Variants in LMO3 observed in about 807,000 individuals in gnomAD.
The protein encoded by LMO3 is LIM domain only protein 3.
Under a neutral mutation model 15.8 loss-of-function variants are expected in LMO3, and 2 were observed. The observed-to-expected ratio is 0.13, with a 90% CI of 0.05 to 0.40. The LOEUF is 0.40. LMO3 is among the 10% of genes least tolerant of loss of function. The pLI is 0.99. For missense variants in LMO3, 86 were observed against 182.2 expected (o/e 0.47, Z 3.04); for synonymous variants, 62 against 63.8 (o/e 0.97, Z 0.13).
At chr12:16,551,401 C>T in intron 3 of LMO3, 74 bp from the exon 4 acceptor site, 1 of 909,446 alleles carries the variant, frequency 1.1e-6, no homozygotes, top group Non-Finnish European at 1.8e-6. Flanking sequence ...GATTTATTTT[C>T]CTATTAATAG....
chr12:16,558,320 A>G (rs779500135), intron 3 of LMO3, among the ~76,000 whole-genome samples: 1 of 152,072 alleles, frequency 6.6e-6, no homozygotes, highest in Non-Finnish European at 1.5e-5. Context: ...TATTTTCTAA[A>G]TTTCCTACTA....
chr12:16,551,864 T>G lies in LMO3; in HGVS notation c.333-537A>C, dbSNP rs576170351. On this transcript the variant is annotated intron_variant, in intron 3 of 3. Coordinates refer to ENST00000537304, the MANE Select transcript of LMO3 (RefSeq NM_018640.5). ...TGATTAAATGTTAGTAATCTAGAAGTGATCATTCTGAAATGAAAGTTGCTC... is the reference window on the plus strand; with the variant it reads ...TGATTAAATGTTAGTAATCTAGAAGGGATCATTCTGAAATGAAAGTTGCTC... 1.3e-3 allele frequency among the ~76,000 whole-genome samples: 195 copies of G among 152,142 alleles called. 1 individual carries two copies. Among genetic ancestry groups the G allele is most frequent in the African/African-American group, 4.5e-3 (185 of 41,568 alleles).
rs1000114524 is a variant in LMO3 at position 16,597,654 on chromosome 12, T to G, written c.206+3001A>C. 9.9e-5 allele frequency: 15 copies of G among 151,954 alleles called. No homozygotes were observed. The highest frequency in any genetic ancestry group is 1.8e-4 in the Non-Finnish European group (12 of 67,856). 9.4% of individuals were successfully genotyped at this position (151,954 alleles called of 1,614,324 possible). A position where few individuals can be genotyped will look rare whatever the true frequency, so the allele number is the denominator to read the frequency against. On this transcript the variant is annotated intron_variant, in intron 2 of 3. Transcript: ENST00000537304. The surrounding 1 kb of genome is among the most constrained non-coding windows in gnomAD (Gnocchi z 5.0). The stretch of plus-strand genomic sequence containing the variant: ...GCAAATTACTATTTTATTACTTTCC[T>G]TATTCTTACTTATGTTCTTAATAAT...
At position 16,561,974 on chromosome 12, in the gene LMO3, T is replaced by G. The variant is rs73322828; in HGVS notation, c.207-1436A>C. On this transcript the variant is annotated intron_variant, in intron 2 of 3. Coordinates refer to ENST00000537304, the MANE Select transcript of LMO3 (RefSeq NM_018640.5). ...ATAATTGTTAGACACTTATTTTCCT[T>G]AATGAATTAAAAAATACTTTAGTAT... Among the ~76,000 whole-genome samples, 533 of 152,316 alleles carry G rather than the reference T, an allele frequency of 3.5e-3. 3 individuals are homozygous for G. Among genetic ancestry groups the G allele is most frequent in the African/African-American group, 0.012 (489 of 41,590 alleles).
rs1294838042 is a variant in LMO3 at position 16,559,881 on chromosome 12, G to A, written c.332+532C>T. ...GGAGGCTGAGGCAGGAGGATTGCTT[G>A]AGCACAGAAGTTGAGGCTGCATGAG... On this transcript the variant is annotated intron_variant, in intron 3 of 3. Transcript: ENST00000537304. The surrounding 1 kb of genome is among the most constrained non-coding windows in gnomAD (Gnocchi z 4.1). Among the ~76,000 whole-genome samples the A allele has an allele frequency of 1.3e-5, 2 of 151,968 alleles. No homozygotes were observed. The highest frequency in any genetic ancestry group is 4.8e-5 in the African/African-American group (2 of 41,386).
intron 2 of LMO3, among the ~76,000 whole-genome samples, chr12:16,592,961 G>A (rs1943540681): frequency 6.6e-6 from 1 of 151,772 alleles, no homozygotes; most frequent in African/African-American, 2.4e-5. Flanking sequence ...GTAAAGTAAT[G>A]ACATCTAAAA....
chr12:16,584,938 GA>G lies in LMO3; in HGVS notation c.206+15716del, dbSNP rs749422443. On this transcript the variant is annotated intron_variant, in intron 2 of 3. Coordinates refer to ENST00000537304, the MANE Select transcript of LMO3 (RefSeq NM_018640.5). This position sits in a 1 kb window ranked among gnomAD's most constrained non-coding sequence, Gnocchi z 5.2. ...CATTAAAGGGCCTGATCAGTTATCT[GA>G]AACCAGAATTTTATGATTCTGACCA... Among the ~76,000 whole-genome samples the G allele has an allele frequency of 1.1e-4, 16 of 152,194 alleles. No homozygotes were observed. Among genetic ancestry groups the G allele is most frequent in the Non-Finnish European group, 1.5e-4 (10 of 68,030 alleles).
chr12:16,583,343 G>A (rs947410525), intron 2 of LMO3, among the ~76,000 whole-genome samples: 1 of 152,054 alleles, frequency 6.6e-6, no homozygotes, highest in Non-Finnish European at 1.5e-5. Context: ...TAGGGGAATT[G>A]ATAACAGTAA....
chr12:16,568,035 T>C (rs542142174), intron 2 of LMO3, among the ~76,000 whole-genome samples: 9 of 152,160 alleles, frequency 5.9e-5, no homozygotes, highest in African/African-American at 2.2e-4. Flanking sequence ...TTTTTTGGAA[T>C]TCTTGAGATC....
In LMO3 at chr12:16,585,188, C is replaced by T. The variant is rs1019939840; in HGVS notation, c.206+15467G>A. ...CAACGTTATTTTTCCTTCCAGACTC[C>T]GGAACCTGGAGGCAATTGAGTTTGT... On this transcript the variant is annotated intron_variant, in intron 2 of 3. Coordinates refer to ENST00000537304, the MANE Select transcript of LMO3 (RefSeq NM_018640.5). This position sits in a 1 kb window ranked among gnomAD's most constrained non-coding sequence, Gnocchi z 4.7. 1.3e-5 allele frequency among the ~76,000 whole-genome samples: 2 copies of T among 152,180 alleles called. No homozygotes were observed. The highest frequency in any genetic ancestry group is 1.9e-4 in the East Asian group (1 of 5,180).
At chr12:16,553,556 G>T (rs925984456) in intron 3 of LMO3, among the ~76,000 whole-genome samples, 2 of 152,068 alleles carry the variant, frequency 1.3e-5, no homozygotes, top group African/African-American at 4.8e-5. Context: ...TGGATAAAGT[G>T]CATTTTATAT....
chr12:16,554,345 T>TTCTA (rs1478899755), intron 3 of LMO3, among the ~76,000 whole-genome samples: 2 of 152,238 alleles, frequency 1.3e-5, no homozygotes, highest in African/African-American at 4.8e-5. Flanking sequence ...TATGATTAAT[T>TTCTA]TCTATCTTAC....
intron 2 of LMO3, chr12:16,594,049 C>T (rs2137647488): frequency 2.5e-6 from 3 of 1,213,158 alleles, no homozygotes; most frequent in East Asian, 2.6e-5. Flanking sequence ...TGATTAATAT[C>T]CTGTAAGAAT....
At chr12:16,561,766 G>T (rs1488493357) in intron 2 of LMO3, among the ~76,000 whole-genome samples, 1 of 152,130 alleles carries the variant, frequency 6.6e-6, no homozygotes, top group Admixed American at 6.5e-5. Flanking sequence ...TTGTGAGAAT[G>T]GTTTCTAAGT....
Position 16,549,874 on chromosome 12 carries a change from G to T in LMO3, c.*1348C>A, listed in dbSNP as rs746279943. Reference sequence around the variant, plus strand: ...AGCTTTCTTCTTTGTATGCTATCACGTAAGGTAGTACTATTTCACCTTAAA... The same window carrying T: ...AGCTTTCTTCTTTGTATGCTATCACTTAAGGTAGTACTATTTCACCTTAAA... On this transcript the variant is annotated 3_prime_UTR_variant, in exon 4 of 4. Transcript: ENST00000537304. 1 of 151,914 alleles carries T rather than the reference G, an allele frequency of 6.6e-6. No homozygotes were observed. Among genetic ancestry groups the T allele is most frequent in the African/African-American group, 2.4e-5 (1 of 41,382 alleles). 9.4% of individuals were successfully genotyped at this position (151,914 alleles called of 1,614,324 possible).
chr12:16,588,845 C>T (rs1378526013), intron 2 of LMO3, among the ~76,000 whole-genome samples: 1 of 152,046 alleles, frequency 6.6e-6, no homozygotes, highest in Admixed American at 6.6e-5. Flanking sequence ...TGTTTAATTT[C>T]TCCCTTATCT....
chr12:16,553,890 A>G (rs1233456987), intron 3 of LMO3, among the ~76,000 whole-genome samples: 3 of 151,926 alleles, frequency 2.0e-5, no homozygotes, highest in Non-Finnish European at 2.9e-5. Flanking sequence ...AAGCATTATG[A>G]AAGGAGTGAT....
Position 16,598,269 on chromosome 12 carries a change from A to G in LMO3, c.206+2386T>C, listed in dbSNP as rs1342594389. 1 of 152,114 alleles carries G rather than the reference A, an allele frequency of 6.6e-6. No individual in the cohort carries two copies. Among genetic ancestry groups the G allele is most frequent in the African/African-American group, 2.4e-5 (1 of 41,444 alleles). 9.4% of individuals were successfully genotyped at this position (152,114 alleles called of 1,614,324 possible). ...ACACGTAACACAGTGTTTTACACACACCAATTCTCCACTTCACTTCTGCAA... is the reference window on the plus strand; with the variant it reads ...ACACGTAACACAGTGTTTTACACACGCCAATTCTCCACTTCACTTCTGCAA... On this transcript the variant is annotated intron_variant, in intron 2 of 3. Coordinates refer to ENST00000537304, the MANE Select transcript of LMO3 (RefSeq NM_018640.5). This position sits in a 1 kb window ranked among gnomAD's most constrained non-coding sequence, Gnocchi z 4.3.
chr12:16,560,709 C>T lies in LMO3; in HGVS notation c.207-171G>A, dbSNP rs191066630. ...CATAAATATTCTTCTGCAATATATT[C>T]TCCGTTGACCTTCCTTGATGAAAAT... On this transcript the variant is annotated intron_variant, in intron 2 of 3. Transcript: ENST00000537304. This position sits in a 1 kb window ranked among gnomAD's most constrained non-coding sequence, Gnocchi z 5.0. The T allele has an allele frequency of 3.1e-6, 2 of 635,716 alleles. No homozygotes were observed. Among genetic ancestry groups the T allele is most frequent in the Non-Finnish European group, 5.5e-6 (2 of 361,822 alleles). 39.4% of individuals were successfully genotyped at this position (635,716 alleles called of 1,614,324 possible). A position where few individuals can be genotyped will look rare whatever the true frequency, so the allele number is the denominator to read the frequency against.
Sources: allele counts gnomAD v4.1 joint callset (sites outside exome capture counted in the v4.1 genomes callset), GRCh38; gene constraint gnomAD v4.1.1; non-coding constraint Gnocchi (gnomAD v3.1); transcripts MANE v1.5; gene names NCBI Gene and HGNC (gene_info 2026-07-23, HGNC 2026-07-21).